The following TTC3 variants were observed in gnomAD, a reference collection of about 807,000 sequenced individuals.
The protein encoded by TTC3 is E3 ubiquitin-protein ligase TTC3.
TTC3 carries 180 observed loss-of-function variants against 249.6 expected under a neutral mutation model. The observed-to-expected ratio is 0.72, with a 90% CI of 0.64 to 0.82. The LOEUF is 0.82. Ranked by LOEUF, TTC3 falls within the 40% of genes least tolerant of loss-of-function variation. The pLI is 0.00. For missense variants in TTC3, 2,061 were observed against 2,398.4 expected, an observed-to-expected ratio of 0.86 and a Z score of 2.94; for synonymous variants, 717 against 805.0, an observed-to-expected ratio of 0.89 and a Z score of 1.85.
chr21:37,163,744 T>A (rs2080990903), intron 31 of TTC3, among the ~76,000 whole-genome samples: 1 of 152,236 alleles, frequency 6.6e-6, no homozygotes, highest in African/African-American at 2.4e-5. Context: ...TGTCTTTCAG[T>A]CATTTAACAA....
At chr21:37,145,350 C>T (rs1054175132) in intron 21 of TTC3, among the ~76,000 whole-genome samples, 3 of 152,124 alleles carry the variant, frequency 2.0e-5, no homozygotes, top group African/African-American at 7.2e-5. Flanking sequence ...ATTTCTGCAA[C>T]GAAGATATAC....
At chr21:37,188,629 ATT>A (rs777670028) in intron 39 of TTC3, 34 bp downstream of exon 39, 1 of 1,537,632 alleles carries the variant, frequency 6.5e-7, no homozygotes, top group South Asian at 1.1e-5. Flanking sequence ...TCAGCACGTC[ATT>A]TAGAAGATAA....
chr21:37,101,756 T>C (rs1284212509), intron 10 of TTC3, among the ~76,000 whole-genome samples: 4 of 151,942 alleles, frequency 2.6e-5, no homozygotes, highest in Admixed American at 1.3e-4. Context: ...AGGAACATAC[T>C]ACATACACTG....
At chr21:37,124,109 G>GTTTTTTTTTTTTTT (rs1167142816) in intron 13 of TTC3, among the ~76,000 whole-genome samples, 1 of 26,156 alleles carries the variant, frequency 3.8e-5, no homozygotes, top group African/African-American at 1.5e-4. Context: ...TTTTTGAACT[G>GTTTTTTTTTTTTTT]TTCTTTTTTT....
In TTC3 at chr21:37,141,272, C is replaced by T. The variant is rs1037242439; in HGVS notation, c.1772+599C>T. ...TTTAAAAAAAGAAAATCTGTTTCTG[C>T]CACTTGTACCCAATATAGAGGTAGG... is the stretch of plus-strand genomic sequence containing the variant. On this transcript the variant is annotated intron_variant, in intron 20 of 45. Transcript: ENST00000355666. Among the ~76,000 whole-genome samples the T allele has an allele frequency of 2.0e-5, 3 of 152,120 alleles. No individual in the cohort carries two copies. In the East Asian group the frequency reaches 5.8e-4, roughly 29 times the overall value.
At chr21:37,080,113 A>G (rs974016348) in intron 1 of TTC3, among the ~76,000 whole-genome samples, 1 of 152,050 alleles carries the variant, frequency 6.6e-6, no homozygotes, top group African/African-American at 2.4e-5. Context: ...TTAATTTTCA[A>G]CCATTCCGAT....
At chr21:37,167,534 T>TA (rs5843803) in intron 33 of TTC3, 21 bp from the exon 34 acceptor site, 1,583,926 of 1,583,954 alleles carry the variant, frequency 1, 791,949 homozygotes, top group Middle Eastern at 1. Context: ...AAGTGAATTT[T>TA]ATTTTTTGTT....
exon 25 of TTC3, chr21:37,150,862 A>G (rs1569064445): frequency 1.2e-6 from 2 of 1,610,370 alleles, no homozygotes; most frequent in Non-Finnish European, 8.5e-7. Flanking sequence ...TCCAAGACCT[A>G]TTCTGAAACA....
At chr21:37,119,588 C>T (rs2076422498) in intron 11 of TTC3, among the ~76,000 whole-genome samples, 1 of 152,138 alleles carries the variant, frequency 6.6e-6, no homozygotes, top group African/African-American at 2.4e-5. Context: ...GCTTCTGTCT[C>T]CTTAACTGAG....
intron 11 of TTC3, among the ~76,000 whole-genome samples, chr21:37,109,749 G>A (rs1326672631): frequency 2.0e-5 from 3 of 152,326 alleles, no homozygotes; most frequent in Non-Finnish European, 2.9e-5. Flanking sequence ...ATCTGAGAAC[G>A]GGCAGATTGC....
At chr21:37,131,680 A>T (rs1200195477) in intron 16 of TTC3, among the ~76,000 whole-genome samples, 1 of 152,170 alleles carries the variant, frequency 6.6e-6, no homozygotes, top group African/African-American at 2.4e-5. Flanking sequence ...AAGTGAGGGC[A>T]GTCTGGTGGG....
intron 38 of TTC3, chr21:37,187,521 T>G (rs1297801859): frequency 6.2e-6 from 1 of 161,454 alleles, no homozygotes; most frequent in East Asian, 1.8e-4. Context: ...AACTTGAAAA[T>G]AATCCACATA....
intron 35 of TTC3, among the ~76,000 whole-genome samples, chr21:37,175,454 T>C (rs1265561566): frequency 6.8e-6 from 1 of 147,446 alleles, no homozygotes. Context: ...AAAATTAGCC[T>C]GATGTGGTGG....
chr21:37,142,544 G>A (rs2078578807), intron 20 of TTC3, among the ~76,000 whole-genome samples: 4 of 152,178 alleles, frequency 2.6e-5, no homozygotes, highest in Admixed American at 2.0e-4. Flanking sequence ...TACAAGGGAT[G>A]TGAAGGACCT....
At chr21:37,079,744 G>GGCTCTTCAC (rs1297936513) in intron 1 of TTC3, among the ~76,000 whole-genome samples, 1 of 151,750 alleles carries the variant, frequency 6.6e-6, no homozygotes, top group Non-Finnish European at 1.5e-5. Flanking sequence ...ATGTTGGCCA[G>GGCTCTTCAC]GCTCTTCACA....
intron 10 of TTC3, chr21:37,096,899 C>T (rs141351825): frequency 9.6e-6 from 3 of 311,122 alleles, no homozygotes; most frequent in East Asian, 5.6e-5. Flanking sequence ...TCACAGCACC[C>T]GTAATAGGTA....
chr21:37,186,185 T>G (rs1282079933), intron 37 of TTC3: 1 of 153,902 alleles, frequency 6.5e-6, no homozygotes, highest in Non-Finnish European at 1.4e-5. Context: ...TATGAATCTA[T>G]GCAAAGTTTC....
At chr21:37,090,425 T>G in intron 6 of TTC3, 139 bp downstream of exon 6, 1 of 991,322 alleles carries the variant, frequency 1.0e-6, no homozygotes, top group South Asian at 1.8e-5. Flanking sequence ...TATATTTTCC[T>G]TAAGGAGACT....
intron 9 of TTC3, among the ~76,000 whole-genome samples, chr21:37,096,346 A>C (rs1376137985): frequency 2.0e-5 from 3 of 152,210 alleles, no homozygotes; most frequent in Non-Finnish European, 4.4e-5. Context: ...GAGCAACTAG[A>C]GTTATCTTCA....
Sources: allele counts gnomAD v4.1 joint callset (sites outside exome capture counted in the v4.1 genomes callset), GRCh38; gene constraint gnomAD v4.1.1; transcripts MANE v1.5; gene names NCBI Gene and HGNC (gene_info 2026-07-23, HGNC 2026-07-21).